Variants in ADARB2 observed in about 807,000 individuals in gnomAD.
The protein encoded by ADARB2 is inactive double-stranded RNA-specific editase B2.
A neutral mutation model predicts 62.2 loss-of-function variants in ADARB2; 25 were observed. That is an observed-to-expected ratio of 0.40 (90% CI 0.29 to 0.56). The LOEUF is 0.56. Ranked by LOEUF, ADARB2 falls within the 20% of genes least tolerant of loss-of-function variation. The pLI, the probability that ADARB2 is intolerant of heterozygous loss-of-function variation, is 0.43. For missense variants in ADARB2, 1,071 were observed against 1,077.4 expected, an observed-to-expected ratio of 0.99 and a Z score of 0.08; for synonymous variants, 572 against 500.8, an observed-to-expected ratio of 1.14 and a Z score of -1.90.
Position 1,547,732 on chromosome 10 carries a change from G to A in ADARB2, c.101-168572C>T, listed in dbSNP as rs559863069. On this transcript the variant is annotated intron_variant, in intron 1 of 9. Coordinates refer to ENST00000381312, the MANE Select transcript of ADARB2 (RefSeq NM_018702.4). Reference sequence around the variant, plus strand: ...CACTGTGGGGAGGGGGAGAGAGGCTGTGCAAGTCTACGCACTGTGTTGGGG... The same window carrying A: ...CACTGTGGGGAGGGGGAGAGAGGCTATGCAAGTCTACGCACTGTGTTGGGG... 6.6e-5 allele frequency among the ~76,000 whole-genome samples: 8 copies of A among 121,286 alleles called. 1 individual carries two copies. Among genetic ancestry groups the A allele is most frequent in the African/African-American group, 2.4e-4 (8 of 32,710 alleles). The allele number at this position is 121,286 out of a possible 152,430, so 79.6% of individuals were successfully genotyped here. A position where few individuals can be genotyped will look rare whatever the true frequency, so the allele number is the denominator to read the frequency against.
chr10:1,345,016 C>T (rs1452106452), intron 3 of ADARB2, among the ~76,000 whole-genome samples: 2 of 152,158 alleles, frequency 1.3e-5, no homozygotes, highest in Non-Finnish European at 2.9e-5. Flanking sequence ...ACACAGCTGC[C>T]CAGAAGGGCA....
intron 3 of ADARB2, among the ~76,000 whole-genome samples, chr10:1,358,245 G>T (rs755127298): frequency 6.6e-6 from 1 of 152,180 alleles, no homozygotes; most frequent in Non-Finnish European, 1.5e-5. Context: ...AACCCCTCAG[G>T]CTTTCCTCTC....
rs1456585474 is a variant in ADARB2 at position 1,477,124 on chromosome 10, G to A, written c.101-97964C>T. Among the ~76,000 whole-genome samples, 2 of 152,150 alleles carry A rather than the reference G, an allele frequency of 1.3e-5. No homozygotes were observed. Among genetic ancestry groups the A allele is most frequent in the Non-Finnish European group, 2.9e-5 (2 of 68,032 alleles). On this transcript the variant is annotated intron_variant, in intron 1 of 9. Transcript: ENST00000381312. This position sits in a 1 kb window ranked among gnomAD's most constrained non-coding sequence, Gnocchi z 4.5. Reference sequence around the variant, plus strand: ...TGCGCAGCACTGCCTCTCACTCATGGCTGTGAAACTTGGGTTGCCCGATCC... The same window carrying A: ...TGCGCAGCACTGCCTCTCACTCATGACTGTGAAACTTGGGTTGCCCGATCC...
intron 1 of ADARB2, among the ~76,000 whole-genome samples, chr10:1,692,986 C>T (rs1834692591): frequency 6.6e-6 from 1 of 152,170 alleles, no homozygotes; most frequent in African/African-American, 2.4e-5. Context: ...CTGGACCTCC[C>T]CACCCTCCAG....
chr10:1,669,643 T>G (rs770040836), intron 1 of ADARB2, among the ~76,000 whole-genome samples: 2 of 121,242 alleles, frequency 1.6e-5, no homozygotes, highest in Admixed American at 8.2e-5. Context: ...CACAGACACA[T>G]GCAGATACAC....
intron 3 of ADARB2, chr10:1,361,736 C>G (rs1453563327): frequency 1.1e-4 from 16 of 152,198 alleles, no homozygotes; most frequent in Admixed American, 1.0e-3. Flanking sequence ...GAGTGGGACC[C>G]TACATTCGTG....
At chr10:1,230,885 A>G (rs1008308795) in intron 6 of ADARB2, among the ~76,000 whole-genome samples, 1 of 152,068 alleles carries the variant, frequency 6.6e-6, no homozygotes, top group African/African-American at 2.4e-5. Flanking sequence ...AAAATGCTTT[A>G]TTTTTTCTCC....
intron 1 of ADARB2, among the ~76,000 whole-genome samples, chr10:1,414,374 T>C (rs542845406): frequency 1.3e-5 from 2 of 152,304 alleles, no homozygotes; most frequent in African/African-American, 4.8e-5. Flanking sequence ...GGTGGAAGGC[T>C]ACCCTGACGT....
chr10:1,668,154 G>A (rs181474872), intron 1 of ADARB2, among the ~76,000 whole-genome samples: 2 of 152,278 alleles, frequency 1.3e-5, no homozygotes, highest in East Asian at 1.9e-4. Flanking sequence ...CCCACCACTC[G>A]GCTGTCATCC....
At chr10:1,515,987 G>T (rs1287430842) in intron 1 of ADARB2, among the ~76,000 whole-genome samples, 1 of 152,190 alleles carries the variant, frequency 6.6e-6, no homozygotes, top group African/African-American at 2.4e-5. Context: ...GCTGGGCTTT[G>T]CCTCCATATC....
rs1349330886 is a variant in ADARB2, at chr10:1,737,071, C to G, written c.80G>C (p.Arg27Thr). Residue 27 changes from arginine (R) to threonine (T), a missense_variant, in exon 1 of 10, where the codon AGG becomes ACG. By Grantham distance (71) the Arg-to-Thr change is moderately conservative. Coordinates refer to ENST00000381312, the MANE Select transcript of ADARB2 (RefSeq NM_018702.4). ...QLKCKSKRRRRRRSKRKDKVS... is the reference protein window; with the variant it reads ...QLKCKSKRRRTRRSKRKDKVS... Reference sequence around the variant, plus strand: ...CTTACCTTTCCGCTTGGACCTCCGCCTCCTCCTCCTCTTGGACTTGCATTT... The same window carrying G: ...CTTACCTTTCCGCTTGGACCTCCGCGTCCTCCTCCTCTTGGACTTGCATTT... The G allele has an allele frequency of 6.2e-7, 1 of 1,611,604 alleles. No individual in the cohort carries two copies. The highest frequency in any genetic ancestry group is 1.7e-5 in the Admixed American group (1 of 60,024).
At chr10:1,626,442 G>A (rs1211035116) in intron 1 of ADARB2, among the ~76,000 whole-genome samples, 5 of 151,142 alleles carry the variant, frequency 3.3e-5, no homozygotes, top group Non-Finnish European at 3.0e-5. Context: ...CTAACCCCAC[G>A]TCTGCCCACG....
At chr10:1,436,853 C>T (rs1481935140) in intron 1 of ADARB2, among the ~76,000 whole-genome samples, 2 of 152,174 alleles carry the variant, frequency 1.3e-5, no homozygotes, top group East Asian at 1.9e-4. Context: ...TTCTCAAAGA[C>T]ATTATGCAGG....
At chr10:1,643,353 T>C (rs1172878295) in intron 1 of ADARB2, among the ~76,000 whole-genome samples, 1 of 152,204 alleles carries the variant, frequency 6.6e-6, no homozygotes, top group African/African-American at 2.4e-5. Flanking sequence ...GGTGAATGAC[T>C]CATTTTTCCC....
At chr10:1,658,318 A>C (rs1305173909) in intron 1 of ADARB2, among the ~76,000 whole-genome samples, 1 of 117,640 alleles carries the variant, frequency 8.5e-6, no homozygotes, top group African/African-American at 3.4e-5. Context: ...TCTCTATCTG[A>C]TTCTGTCTCT....
intron 3 of ADARB2, among the ~76,000 whole-genome samples, chr10:1,323,096 A>G (rs1831809784): frequency 6.6e-6 from 1 of 152,194 alleles, no homozygotes; most frequent in Non-Finnish European, 1.5e-5. Flanking sequence ...AGGTTAATAA[A>G]GGAGGAAAGC....
intron 1 of ADARB2, among the ~76,000 whole-genome samples, chr10:1,696,473 T>C (rs992453608): frequency 2.0e-5 from 3 of 152,230 alleles, no homozygotes; most frequent in African/African-American, 7.2e-5. Context: ...GTAGTGATAA[T>C]ATTTATGCTT....
At chr10:1,418,899 C>T (rs1002701430) in intron 1 of ADARB2, among the ~76,000 whole-genome samples, 3 of 152,094 alleles carry the variant, frequency 2.0e-5, no homozygotes, top group Non-Finnish European at 2.9e-5. Flanking sequence ...TGCGTGCTGT[C>T]GGAAACCAGC....
intron 1 of ADARB2, among the ~76,000 whole-genome samples, chr10:1,677,412 T>G (rs1834479541): frequency 1.3e-5 from 2 of 152,160 alleles, no homozygotes; most frequent in African/African-American, 4.8e-5. Context: ...GCTGGGCTGG[T>G]GCTGCCTGGT....
Sources: allele counts gnomAD v4.1 joint callset (sites outside exome capture counted in the v4.1 genomes callset), GRCh38; gene constraint gnomAD v4.1.1; non-coding constraint Gnocchi (gnomAD v3.1); transcripts MANE v1.5; gene names NCBI Gene and HGNC (gene_info 2026-07-23, HGNC 2026-07-21).